The following SH3RF3 variants were observed in gnomAD, a reference collection of about 807,000 sequenced individuals.
The protein encoded by SH3RF3 is SH3 domain containing ring finger 3, also known as E3 ubiquitin-protein ligase SH3RF3.
A neutral mutation model predicts 66.3 loss-of-function variants in SH3RF3; 29 were observed. The ratio of observed to expected loss-of-function variants is 0.44; its 90% CI spans 0.33 to 0.60. The LOEUF is 0.60. Among genes scored for constraint, SH3RF3 ranks in the 20% least tolerant of loss-of-function variants. The pLI is 0.04. For missense variants in SH3RF3, 1,194 were observed against 1,190.9 expected, an observed-to-expected ratio of 1.00 and a Z score of -0.04; for synonymous variants, 583 against 532.0, an observed-to-expected ratio of 1.10 and a Z score of -1.32.
chr2:109,245,839 A>G (rs953289350), intron 1 of SH3RF3, among the ~76,000 whole-genome samples: 3 of 152,256 alleles, frequency 2.0e-5, no homozygotes, highest in Non-Finnish European at 4.4e-5. Context: ...TAAATCCATC[A>G]TGAGAGATTG....
rs753947567 is a variant in SH3RF3 at position 109,129,491 on chromosome 2, C to T, written c.-50C>T. 870 of 1,494,492 alleles carry T rather than the reference C, an allele frequency of 5.8e-4. No homozygotes were observed. Among genetic ancestry groups the T allele is most frequent in the Non-Finnish European group, 6.8e-4 (762 of 1,128,022 alleles). 92.6% of individuals were successfully genotyped at this position (1,494,492 alleles called of 1,614,324 possible). A position where few individuals can be genotyped will look rare whatever the true frequency, so the allele number is the denominator to read the frequency against. On this transcript the variant is annotated 5_prime_UTR_variant, in exon 1 of 10. Coordinates refer to ENST00000309415, the MANE Select transcript of SH3RF3 (RefSeq NM_001099289.3). ...TGGCTGCCGGTGGCGGGCTCCACGCCGGCCCCGGGACCTAGGCAGCCGCGC... is the reference window on the plus strand; with the variant it reads ...TGGCTGCCGGTGGCGGGCTCCACGCTGGCCCCGGGACCTAGGCAGCCGCGC...
At chr2:109,274,732 T>G (rs983674142) in intron 1 of SH3RF3, among the ~76,000 whole-genome samples, 12 of 152,342 alleles carry the variant, frequency 7.9e-5, no homozygotes, top group Middle Eastern at 3.4e-3. Flanking sequence ...ACATTGTGAA[T>G]GTAGTAAATG....
intron 1 of SH3RF3, among the ~76,000 whole-genome samples, chr2:109,163,871 G>A (rs1308128755): frequency 6.6e-6 from 1 of 152,186 alleles, no homozygotes; most frequent in African/African-American, 2.4e-5. Flanking sequence ...ACTATTTGTG[G>A]TTGGACCAAG....
chr2:109,195,070 C>T (rs186881244), intron 1 of SH3RF3, among the ~76,000 whole-genome samples: 1 of 152,154 alleles, frequency 6.6e-6, no homozygotes, highest in African/African-American at 2.4e-5. Context: ...ATCCTAATAC[C>T]CTGGTTCTTT....
At chr2:109,392,596 G>A (rs1350186007) in intron 3 of SH3RF3, among the ~76,000 whole-genome samples, 2 of 151,990 alleles carry the variant, frequency 1.3e-5, no homozygotes, top group African/African-American at 4.8e-5. Flanking sequence ...GCAAGCTCAA[G>A]CTCCGCCTCG....
At chr2:109,424,329 G>A (rs1044496371) in intron 5 of SH3RF3, among the ~76,000 whole-genome samples, 1 of 152,222 alleles carries the variant, frequency 6.6e-6, no homozygotes, top group African/African-American at 2.4e-5. Flanking sequence ...CACAGTGAGT[G>A]ATCAGCCACT....
chr2:109,413,543 T>A (rs1269430576), intron 4 of SH3RF3, among the ~76,000 whole-genome samples: 1 of 152,218 alleles, frequency 6.6e-6, no homozygotes, highest in Admixed American at 6.5e-5. Flanking sequence ...TCTGTGTCTC[T>A]GTGTCTTCCT....
At chr2:109,160,172 A>G (rs1380367468) in intron 1 of SH3RF3, among the ~76,000 whole-genome samples, 1 of 152,148 alleles carries the variant, frequency 6.6e-6, no homozygotes, top group African/African-American at 2.4e-5. Flanking sequence ...GTCACCAGGA[A>G]GTCACTCTCT....
Position 109,199,948 on chromosome 2 carries a change from A to G in SH3RF3, c.573+69835A>G, listed in dbSNP as rs566756880. Among the ~76,000 whole-genome samples, 14 of 146,114 alleles carry G rather than the reference A, an allele frequency of 9.6e-5. No homozygotes were observed. The East Asian group carries it at 2.8e-3, about 29-fold the overall frequency. On this transcript the variant is annotated intron_variant, in intron 1 of 9. Coordinates refer to ENST00000309415, the MANE Select transcript of SH3RF3 (RefSeq NM_001099289.3). ...CACCCGCTGTACAGCACGTGTCCCC[A>G]GGGACGTTTGCAGTGTCTGGGGACA...
intron 1 of SH3RF3, among the ~76,000 whole-genome samples, chr2:109,304,506 C>G (rs191838119): frequency 6.6e-6 from 1 of 152,314 alleles, no homozygotes; most frequent in East Asian, 1.9e-4. Context: ...TGAGTCTCCT[C>G]TCTCCAACCC....
chr2:109,352,013 G>GCT (rs1682849253), intron 2 of SH3RF3, among the ~76,000 whole-genome samples: 1 of 152,204 alleles, frequency 6.6e-6, no homozygotes, highest in African/African-American at 2.4e-5. Flanking sequence ...TAGAGTTCAG[G>GCT]CTCTAGCATG....
intron 1 of SH3RF3, among the ~76,000 whole-genome samples, chr2:109,335,334 T>C (rs969394019): frequency 2.0e-5 from 3 of 152,220 alleles, no homozygotes; most frequent in African/African-American, 7.2e-5. Context: ...AGTTTCCACA[T>C]TGAAAACTCT....
chr2:109,263,710 T>C lies in SH3RF3; in HGVS notation c.574-83964T>C, dbSNP rs111465012. Among the ~76,000 whole-genome samples, 1,301 of 152,308 alleles carry C rather than the reference T, an allele frequency of 8.5e-3. 16 individuals carry two copies. The highest frequency in any genetic ancestry group is 0.03 in the African/African-American group (1,246 of 41,550). On this transcript the variant is annotated intron_variant, in intron 1 of 9. Coordinates refer to ENST00000309415, the MANE Select transcript of SH3RF3 (RefSeq NM_001099289.3). ...GGCCGGGTGCGGTGGCTCACGCCTG[T>C]AATCCCAGCACTTTGGGAGGCCGAG...
chr2:109,425,860 T>A (rs149505781), intron 5 of SH3RF3, among the ~76,000 whole-genome samples: 11 of 152,332 alleles, frequency 7.2e-5, no homozygotes, highest in African/African-American at 2.6e-4. Flanking sequence ...GATTGTCAAG[T>A]GTTCTTATTT....
At chr2:109,413,200 C>T (rs1444424905) in intron 4 of SH3RF3, among the ~76,000 whole-genome samples, 1 of 152,174 alleles carries the variant, frequency 6.6e-6, no homozygotes, top group Non-Finnish European at 1.5e-5. Context: ...CTGCAACCTC[C>T]GCCTCATGGG....
chr2:109,325,331 C>CTTT (rs11298946), intron 1 of SH3RF3, among the ~76,000 whole-genome samples: 201 of 66,170 alleles, frequency 3.0e-3, no homozygotes, highest in African/African-American at 6.3e-3. Context: ...TTCTTTCTTT[C>CTTT]TTTTTTTTTT....
chr2:109,444,201 GAATGA>G (rs1194628414), intron 7 of SH3RF3, among the ~76,000 whole-genome samples: 1 of 152,200 alleles, frequency 6.6e-6, no homozygotes, highest in Non-Finnish European at 1.5e-5. Flanking sequence ...ATTTTGAGCT[GAATGA>G]AATGAAAAAG....
chr2:109,285,533 C>T (rs539917406), intron 1 of SH3RF3, among the ~76,000 whole-genome samples: 3 of 152,294 alleles, frequency 2.0e-5, no homozygotes, highest in Admixed American at 6.5e-5. Context: ...GCAGGGCAAT[C>T]GCTTGCCTGG....
rs942450643 is a variant in SH3RF3, at chr2:109,393,541, G to A, written c.946-5049G>A. Among the ~76,000 whole-genome samples the A allele has an allele frequency of 1.5e-4, 23 of 152,238 alleles. 1 individual carries two copies. Among genetic ancestry groups the A allele is most frequent in the Admixed American group, 1.2e-3 (19 of 15,292 alleles). ...CCAGGACACAGTAGGTGCTCAGTCC[G>A]TTTTGTTTTCCGAATGGTGCATCCA... On this transcript the variant is annotated intron_variant, in intron 3 of 9. Coordinates refer to ENST00000309415, the MANE Select transcript of SH3RF3 (RefSeq NM_001099289.3).
Sources: allele counts gnomAD v4.1 joint callset (sites outside exome capture counted in the v4.1 genomes callset), GRCh38; gene constraint gnomAD v4.1.1; transcripts MANE v1.5; gene names NCBI Gene and HGNC (gene_info 2026-07-23, HGNC 2026-07-21).